The following RAB3B variants were observed in gnomAD, a reference collection of about 807,000 sequenced individuals.
RAB3B encodes the protein ras-related protein Rab-3B.
In RAB3B, 11 loss-of-function variants were observed where a neutral mutation model predicts 20.5. That is an observed-to-expected ratio of 0.54 (90% CI 0.34 to 0.89). The LOEUF (loss-of-function observed/expected upper bound fraction) is 0.89, where lower values mean the gene tolerates loss of function less well. Ranked by LOEUF, RAB3B falls within the 40% of genes least tolerant of loss-of-function variation. RAB3B has a pLI of 0.02. For synonymous variants in RAB3B, 99 were observed against 106.3 expected, an observed-to-expected ratio of 0.93 and a Z score of 0.42; for missense variants, 225 against 280.9, an observed-to-expected ratio of 0.80 and a Z score of 1.42.
rs1683942716 is a variant in RAB3B, at chr1:51,908,068, G to T, written c.*11859C>A. The T allele has an allele frequency of 6.6e-6, 1 of 152,078 alleles. No homozygotes were observed. The highest frequency in any genetic ancestry group is 2.4e-5 in the African/African-American group (1 of 41,414). 9.4% of individuals were successfully genotyped at this position (152,078 alleles called of 1,614,324 possible). ...ATAAAACAGATCAACACAGAACAAG[G>T]AAACACCATAGATATTTGTAAATGA... is the stretch of plus-strand genomic sequence containing the variant. On this transcript the variant is annotated 3_prime_UTR_variant, in exon 5 of 5. Coordinates refer to ENST00000371655, the MANE Select transcript of RAB3B (RefSeq NM_002867.4).
Position 51,948,863 on chromosome 1 carries a change from T to C in RAB3B, c.229-11451A>G, listed in dbSNP as rs574770168. On this transcript the variant is annotated intron_variant, in intron 2 of 4. Transcript: ENST00000371655. ...ACAAGAACAGGATGTCTGGTTTTGC[T>C]TACTATTGCATCTCCAGTGCATGCC... Among the ~76,000 whole-genome samples, 7 of 152,330 alleles carry C rather than the reference T, an allele frequency of 4.6e-5. No individual in the cohort carries two copies. The South Asian group carries it at 1.5e-3, about 32-fold the overall frequency.
At chr1:51,934,220 C>T (rs1684364541) in intron 3 of RAB3B, among the ~76,000 whole-genome samples, 1 of 152,110 alleles carries the variant, frequency 6.6e-6, no homozygotes, top group Admixed American at 6.6e-5. Flanking sequence ...TTACTCATTC[C>T]CCAAAAGCTC....
At chr1:51,944,988 T>C (rs1399197138) in intron 2 of RAB3B, among the ~76,000 whole-genome samples, 1 of 152,146 alleles carries the variant, frequency 6.6e-6, no homozygotes, top group Non-Finnish European at 1.5e-5. Flanking sequence ...AAAAGAAGAA[T>C]CAATCGATGC....
chr1:51,951,469 C>T (rs1684641218), intron 2 of RAB3B, among the ~76,000 whole-genome samples: 1 of 152,194 alleles, frequency 6.6e-6, no homozygotes, highest in South Asian at 2.1e-4. Context: ...TATTCTGACT[C>T]TACATCCAGT....
At chr1:51,934,775 C>CAAAAAAAAAAAAAAAAAAA (rs34750673) in intron 3 of RAB3B, among the ~76,000 whole-genome samples, 1 of 69,904 alleles carries the variant, frequency 1.4e-5, no homozygotes, top group Non-Finnish European at 2.5e-5. Flanking sequence ...GACTCCATCT[C>CAAAAAAAAAAAAAAAAAAA]AAAAAAAAAA....
At chr1:51,926,327 G>A (rs376011067) in intron 4 of RAB3B, among the ~76,000 whole-genome samples, 5 of 152,310 alleles carry the variant, frequency 3.3e-5, no homozygotes, top group African/African-American at 1.2e-4. Context: ...TGCCCTGCCT[G>A]CAAGAGATTT....
chr1:51,930,786 T>G (rs1684312563), intron 4 of RAB3B, among the ~76,000 whole-genome samples: 1 of 151,970 alleles, frequency 6.6e-6, no homozygotes, highest in Non-Finnish European at 1.5e-5. Context: ...GAGGCTGAGG[T>G]GGGCAGATCA....
chr1:51,947,654 C>T (rs975136574), intron 2 of RAB3B, among the ~76,000 whole-genome samples: 5 of 152,114 alleles, frequency 3.3e-5, no homozygotes, highest in Non-Finnish European at 7.4e-5. Context: ...TTCATTTCTT[C>T]GTAAAGTTTT....
chr1:51,934,362 C>T (rs1684367262), intron 3 of RAB3B, among the ~76,000 whole-genome samples: 1 of 152,132 alleles, frequency 6.6e-6, no homozygotes, highest in Non-Finnish European at 1.5e-5. Flanking sequence ...CACTTAGCCT[C>T]CACCTCCTCC....
chr1:51,953,269 T>C (rs1408687127), intron 2 of RAB3B, among the ~76,000 whole-genome samples: 1 of 152,184 alleles, frequency 6.6e-6, no homozygotes, highest in Non-Finnish European at 1.5e-5. Context: ...CTGGGGAATT[T>C]ACTTCATATG....
At chr1:51,973,974 T>A (rs1194963816) in intron 2 of RAB3B, among the ~76,000 whole-genome samples, 2 of 152,136 alleles carry the variant, frequency 1.3e-5, no homozygotes, top group African/African-American at 4.8e-5. Context: ...AAAAGTAAGC[T>A]CTAATAATTT....
At chr1:51,976,680 G>C (rs1369432575) in intron 2 of RAB3B, among the ~76,000 whole-genome samples, 1 of 152,148 alleles carries the variant, frequency 6.6e-6, no homozygotes, top group Non-Finnish European at 1.5e-5. Flanking sequence ...AAACCTCCTG[G>C]ATAGTTAAAC....
At chr1:51,962,416 C>T (rs1445919632) in intron 2 of RAB3B, among the ~76,000 whole-genome samples, 1 of 152,202 alleles carries the variant, frequency 6.6e-6, no homozygotes, top group Non-Finnish European at 1.5e-5. Flanking sequence ...ATAAGAATGG[C>T]ACTTTTGCCA....
chr1:51,961,622 G>A (rs1684785026), intron 2 of RAB3B, among the ~76,000 whole-genome samples: 1 of 152,086 alleles, frequency 6.6e-6, no homozygotes, highest in African/African-American at 2.4e-5. Flanking sequence ...GGGAAAAACT[G>A]CAAGTAAAGC....
intron 2 of RAB3B, among the ~76,000 whole-genome samples, chr1:51,947,312 C>T (rs1012336763): frequency 6.6e-5 from 10 of 151,894 alleles, no homozygotes; most frequent in African/African-American, 2.4e-4. Flanking sequence ...GGGAGGATCA[C>T]TTGAGGCCAG....
rs1003465391 is a variant in RAB3B, at chr1:51,962,624, T to C, written c.228+14266A>G. Among the ~76,000 whole-genome samples the C allele has an allele frequency of 7.2e-5, 11 of 152,358 alleles. No individual in the cohort carries two copies. The South Asian group carries it at 8.3e-4, about 11-fold the overall frequency. On this transcript the variant is annotated intron_variant, in intron 2 of 4. Coordinates refer to ENST00000371655, the MANE Select transcript of RAB3B (RefSeq NM_002867.4). ...CCTGATCACTGGACTCCAATTGCCATATAGCTCAGTACATCATCATCTTTT... is the reference window on the plus strand; with the variant it reads ...CCTGATCACTGGACTCCAATTGCCACATAGCTCAGTACATCATCATCTTTT...
rs117166240 is a variant in RAB3B, at chr1:51,909,582, T to G, written c.*10345A>C. ...CATTCCTCACTCCTGGAGGCTGATT[T>G]CTGGGGGAAGGAGGAAGTGCATGAG... On this transcript the variant is annotated 3_prime_UTR_variant, in exon 5 of 5. Coordinates refer to ENST00000371655, the MANE Select transcript of RAB3B (RefSeq NM_002867.4). The G allele has an allele frequency of 3.3e-5, 5 of 152,308 alleles. No individual in the cohort carries two copies. In the East Asian group the frequency reaches 9.6e-4, roughly 29 times the overall value. 9.4% of individuals were successfully genotyped at this position (152,308 alleles called of 1,614,324 possible).
chr1:51,940,777 C>T (rs370905332), intron 2 of RAB3B, among the ~76,000 whole-genome samples: 4 of 152,080 alleles, frequency 2.6e-5, no homozygotes, highest in African/African-American at 9.7e-5. Context: ...GCTTAAACAA[C>T]AAGGTTTTAT....
At position 51,976,974 on chromosome 1, in the gene RAB3B, G is replaced by A. The variant is rs1318327664; in HGVS notation, c.144C>T (p.Thr48=). 2 of 1,614,138 alleles carry A rather than the reference G, an allele frequency of 1.2e-6. No homozygotes were observed. Among genetic ancestry groups the A allele is most frequent in the African/African-American group, 1.3e-5 (1 of 75,040 alleles). Residue 48 remains threonine, a synonymous_variant, in exon 2 of 5, where the codon ACC becomes ACT. Transcript: ENST00000371655. ...FLFRYADDTF[T]PAFVSTVGID... is the part of the protein sequence containing the mutation. The stretch of plus-strand genomic sequence containing the variant: ...TGCCCACGGTGCTAACGAAGGCTGG[G>A]GTGAACGTGTCATCAGCATAGCGGA...
Sources: allele counts gnomAD v4.1 joint callset (sites outside exome capture counted in the v4.1 genomes callset), GRCh38; gene constraint gnomAD v4.1.1; transcripts MANE v1.5; gene names NCBI Gene and HGNC (gene_info 2026-07-23, HGNC 2026-07-21).